COL5A3: variants seen among roughly 807,000 people sequenced by gnomAD.
COL5A3 encodes collagen type V alpha 3 chain, also known as collagen alpha-3(V) chain.
In COL5A3, 172 loss-of-function variants were observed where a neutral mutation model predicts 250.0. The observed-to-expected ratio is 0.69, with a 90% CI of 0.61 to 0.78. The LOEUF (loss-of-function observed/expected upper bound fraction) is 0.78. Among genes scored for constraint, COL5A3 ranks in the 30% least tolerant of loss-of-function variants. The pLI, the probability that COL5A3 is intolerant of heterozygous loss-of-function variation, is 0.00. For synonymous variants in COL5A3, 937 were observed against 900.4 expected (o/e 1.04, Z -0.73); for missense variants, 2,340 against 2,334.4 (o/e 1.00, Z -0.05).
In COL5A3 at chr19:9,960,491, A is replaced by C; in HGVS notation, c.5158T>G (p.Trp1720Gly). The change falls in exon 67 of 67, where the codon TGG becomes GGG. Residue 1720 changes from tryptophan (W) to glycine (G), a missense_variant. By Grantham distance (184) the Trp-to-Gly change is radical. Around this residue, in one of 3 missense-constraint regions of COL5A3, gnomAD observed 1,179 missense variants for 1,162.6 expected, o/e 1.01. Coordinates refer to ENST00000264828, the MANE Select transcript of COL5A3 (RefSeq NM_015719.4). ...CCAAAGTCAGTGGCCGCCACATCCCACAGGGGCAGAAATCCCGCTCGAGAA... is the reference window on the plus strand; with the variant it reads ...CCAAAGTCAGTGGCCGCCACATCCCCCAGGGGCAGAAATCCCGCTCGAGAA... ...SSSRAGFLPLWDVAATDFGQT... is the reference protein window; with the variant it reads ...SSSRAGFLPLGDVAATDFGQT... 6.2e-7 allele frequency: 1 copy of C among 1,614,188 alleles called. No individual in the cohort carries two copies. The highest frequency in any genetic ancestry group is 8.5e-7 in the Non-Finnish European group (1 of 1,180,020).
chr19:10,003,896 G>A, intron 5 of COL5A3, 145 bp downstream of exon 5: 5 of 1,005,442 alleles, frequency 5.0e-6, no homozygotes, highest in Non-Finnish European at 7.6e-6. Flanking sequence ...TGAGGTCAAA[G>A]TCATTCATGC....
chr19:9,998,649 C>G (rs2087307412), intron 8 of COL5A3, among the ~76,000 whole-genome samples: 1 of 151,812 alleles, frequency 6.6e-6, no homozygotes, highest in East Asian at 1.9e-4. Flanking sequence ...CTAGGCTTTT[C>G]CTTTCTCCCT....
In COL5A3 at chr19:9,992,868, G is replaced by A; in HGVS notation, c.1807C>T (p.Leu603=). 1 of 1,614,170 alleles carries A rather than the reference G, an allele frequency of 6.2e-7. No homozygotes were observed. The change falls in exon 21 of 67, where the codon CTG becomes TTG. Residue 603 remains leucine, a synonymous_variant. Coordinates refer to ENST00000264828, the MANE Select transcript of COL5A3 (RefSeq NM_015719.4). Reference sequence around the variant, plus strand: ...CCAGGAGAGCCTCTGGGGCCAAGCAGTCCTCGTGGACCCTGCAAGGGAGCA... The same window carrying A: ...CCAGGAGAGCCTCTGGGGCCAAGCAATCCTCGTGGACCCTGCAAGGGAGCA... ...GQAGEPGPRG[L]LGPRGSPGPT... is the part of the protein sequence containing the mutation.
Position 9,985,939 on chromosome 19 carries a change from A to T in COL5A3, c.2353-44T>A. The stretch of plus-strand genomic sequence containing the variant: ...ACAAAGGTCAGAAATTGCAACCTGG[A>T]GGTCAGAGGCGGAAAGGTCAGGCTG... On this transcript the variant is annotated intron_variant, in intron 30 of 66. Coordinates refer to ENST00000264828, the MANE Select transcript of COL5A3 (RefSeq NM_015719.4). 1.9e-6 allele frequency: 3 copies of T among 1,590,206 alleles called. No homozygotes were observed. In the South Asian group the frequency reaches 3.3e-5, roughly 18 times the overall value.
chr19:9,986,314 C>G lies in COL5A3; in HGVS notation c.2352+1G>C. ...AGGCTAGAGGGTGGAGAGTCATTTA[C>G]CTTCTCCCCAGCTGAGCCTGGGGGC... On this transcript the variant is annotated splice_donor_variant, in intron 30 of 66. Coordinates refer to ENST00000264828, the MANE Select transcript of COL5A3 (RefSeq NM_015719.4). LOFTEE classifies it high-confidence loss of function. 1 of 1,550,594 alleles carries G rather than the reference C, an allele frequency of 6.4e-7. No individual in the cohort carries two copies. Among genetic ancestry groups the G allele is most frequent in the East Asian group, 2.2e-5 (1 of 44,594 alleles).
intron 21 of COL5A3, among the ~76,000 whole-genome samples, chr19:9,992,460 A>G (rs2087208554): frequency 6.6e-6 from 1 of 151,874 alleles, no homozygotes; most frequent in Non-Finnish European, 1.5e-5. Context: ...CCAGCAACAG[A>G]TATGGACATG....
chr19:9,983,433 G>C (rs2087037134), intron 31 of COL5A3, among the ~76,000 whole-genome samples: 2 of 151,626 alleles, frequency 1.3e-5, no homozygotes, highest in South Asian at 4.2e-4. Context: ...AAGAATTGGG[G>C]GCTGTAATAA....
At chr19:9,992,985 T>G (rs757739741) in intron 20 of COL5A3, 38 bp downstream of exon 20, 14 of 1,611,918 alleles carry the variant, frequency 8.7e-6, no homozygotes, top group South Asian at 1.1e-5. Context: ...CTCCCTCCCC[T>G]GCACCAAGCA....
chr19:9,992,259 C>T (rs1407477526), intron 21 of COL5A3, among the ~76,000 whole-genome samples: 1 of 152,000 alleles, frequency 6.6e-6, no homozygotes, highest in Non-Finnish European at 1.5e-5. Flanking sequence ...CCCGTCTTTA[C>T]TAAAAACACA....
chr19:10,003,739 C>A, intron 5 of COL5A3, 25 bp from the exon 6 acceptor site: 2 of 1,613,326 alleles, frequency 1.2e-6, no homozygotes, highest in Non-Finnish European at 1.7e-6. Context: ...CCAGTCAGGT[C>A]TAGAGCATCC....
In COL5A3 at chr19:9,996,684, AG is replaced by A. The variant is rs2087278645; in HGVS notation, c.1268del (p.Pro423LeufsTer20). ...GFPGDPGPPG[P>X]AGLPGIPGID... is the part of the protein sequence containing the mutation. ...TGCCGGGGATTCCTGGGAGGCCAGC[AG>A]GGCCCTGAGAGAGGGATGGGGGAAG... On this transcript the variant is annotated frameshift_variant, in exon 12 of 67. Transcript: ENST00000264828. LOFTEE classifies it high-confidence loss of function. 1.1e-5 allele frequency: 17 copies of A among 1,602,564 alleles called. No individual in the cohort carries two copies. Among genetic ancestry groups the A allele is most frequent in the Non-Finnish European group, 1.4e-5 (17 of 1,177,000 alleles).
chr19:9,967,744 G>A (rs1568404741), intron 61 of COL5A3, 160 bp downstream of exon 61: 1 of 683,460 alleles, frequency 1.5e-6, no homozygotes, highest in East Asian at 2.9e-5. Flanking sequence ...TGGCATTTTG[G>A]ATCTGATGAA....
intron 21 of COL5A3, 25 bp from the exon 22 acceptor site, chr19:9,992,073 C>T (rs2087201476): frequency 6.2e-7 from 1 of 1,609,910 alleles, no homozygotes; most frequent in African/African-American, 1.3e-5. Context: ...GATGTGAGAC[C>T]AAGACAGAGC....
intron 53 of COL5A3, 58 bp downstream of exon 53, chr19:9,970,917 T>G: frequency 1.7e-6 from 2 of 1,189,714 alleles, no homozygotes; most frequent in Non-Finnish European, 1.2e-6. Context: ...CCCAATTCAC[T>G]CACTCATTAG....
In COL5A3 at chr19:9,973,965, T is replaced by C; in HGVS notation, c.3512A>G (p.His1171Arg). The change falls in exon 48 of 67, where the codon CAT (histidine) becomes CGT (arginine). Residue 1171 changes from histidine (H) to arginine (R), a missense_variant. Transcript: ENST00000264828. ...EVGDVGSMGPHGAPGPRGPQG... is the reference protein window; with the variant it reads ...EVGDVGSMGPRGAPGPRGPQG... ...GGGACCCCGAGGACCTGGAGCTCCA[T>C]GGGGACCCTGTGGAAGGTCAGAATT... 6.5e-7 allele frequency: 1 copy of C among 1,539,760 alleles called. No individual in the cohort carries two copies.
chr19:9,968,225 G>C lies in COL5A3; in HGVS notation c.4315-146C>G. On this transcript the variant is annotated intron_variant, in intron 59 of 66. Coordinates refer to ENST00000264828, the MANE Select transcript of COL5A3 (RefSeq NM_015719.4). This position sits in a 1 kb window ranked among gnomAD's most constrained non-coding sequence, Gnocchi z 4.1. ...CCCCACAGAGAGACCCCAAACCCCA[G>C]ACGCAGCCTCCAACTTGCCAGTTCC... 1 of 997,706 alleles carries C rather than the reference G, an allele frequency of 1.0e-6. No homozygotes were observed. The highest frequency in any genetic ancestry group is 1.5e-6 in the Non-Finnish European group (1 of 669,024). 61.8% of individuals were successfully genotyped at this position (997,706 alleles called of 1,614,324 possible).
chr19:9,967,830 C>A (rs1237837220), intron 61 of COL5A3, 74 bp downstream of exon 61: 2 of 1,415,784 alleles, frequency 1.4e-6, no homozygotes, highest in East Asian at 2.4e-5. Context: ...AAGGCAGAGA[C>A]GTGGAGGGTT....
At chr19:10,005,537 C>T (rs775286529) in intron 4 of COL5A3, 21 bp downstream of exon 4, 4 of 1,611,138 alleles carry the variant, frequency 2.5e-6, no homozygotes, top group Non-Finnish European at 3.4e-6. Flanking sequence ...GCCTCAGTTT[C>T]CCCCATCACT....
Position 9,968,457 on chromosome 19 carries a change from C to CG in COL5A3, c.4241dup (p.Glu1416ArgfsTer4), listed in dbSNP as rs769575027. ...GATCTCCTTTCTCACCAGCTTCTCC[C>CG]GGGGGGCCAATGAGACCGATCAATC... On this transcript the variant is annotated frameshift_variant, in exon 59 of 67. Coordinates refer to ENST00000264828, the MANE Select transcript of COL5A3 (RefSeq NM_015719.4). LOFTEE classifies it high-confidence loss of function. This position sits in a 1 kb window ranked among gnomAD's most constrained non-coding sequence, Gnocchi z 4.1. 3.1e-6 allele frequency: 5 copies of CG among 1,587,936 alleles called. No homozygotes were observed. Among genetic ancestry groups the CG allele is most frequent in the East Asian group, 2.2e-5 (1 of 44,584 alleles).
Sources: allele counts gnomAD v4.1 joint callset (sites outside exome capture counted in the v4.1 genomes callset), GRCh38; gene constraint gnomAD v4.1.1; regional missense constraint gnomAD v4.1.1; non-coding constraint Gnocchi (gnomAD v3.1); transcripts MANE v1.5; gene names NCBI Gene and HGNC (gene_info 2026-07-23, HGNC 2026-07-21).